Variants in PNO1 observed in about 807,000 individuals in gnomAD.
PNO1 encodes the protein partner of NOB1 homolog, also known as RNA-binding protein PNO1.
In PNO1, 16 loss-of-function variants were observed where a neutral mutation model predicts 28.4. The ratio of observed to expected loss-of-function variants is 0.56; its 90% CI spans 0.38 to 0.85. PNO1 has a LOEUF of 0.85. Ranked by LOEUF, PNO1 falls within the 40% of genes least tolerant of loss-of-function variation. The pLI is 0.00. For missense variants in PNO1, 304 were observed against 312.2 expected (o/e 0.97, Z 0.20); for synonymous variants, 115 against 110.8 (o/e 1.04, Z -0.24).
chr2:68,173,070 T>C (rs1299761567), intron 5 of PNO1: 3 of 294,758 alleles, frequency 1.0e-5, no homozygotes, highest in African/African-American at 6.6e-5. Flanking sequence ...AAATGCTTTT[T>C]TGTCTACAAT....
intron 5 of PNO1, among the ~76,000 whole-genome samples, chr2:68,167,576 A>C (rs535854118): frequency 1.3e-5 from 2 of 152,214 alleles, no homozygotes; most frequent in South Asian, 2.1e-4. Context: ...CCTTTCCTGC[A>C]TTAAATCCTG....
intron 5 of PNO1, among the ~76,000 whole-genome samples, chr2:68,168,047 C>T (rs895276795): frequency 2.0e-5 from 3 of 152,150 alleles, no homozygotes; most frequent in African/African-American, 7.2e-5. Context: ...GGGTTGCAGT[C>T]TGCAGGGTGG....
rs146642101 is a variant in PNO1 at position 68,167,171 on chromosome 2, A to G, written c.620+4508A>G. Among the ~76,000 whole-genome samples the G allele has an allele frequency of 1.6e-4, 24 of 152,236 alleles. No homozygotes were observed. The East Asian group carries it at 4.2e-3, about 27-fold the overall frequency. On this transcript the variant is annotated intron_variant, in intron 5 of 6. Coordinates refer to ENST00000263657, the MANE Select transcript of PNO1 (RefSeq NM_020143.4). ...AGTTCTCTTCCATAGCATTGACACT[A>G]TTTTCCATAGAGTAGTGTGTGTAAT...
In PNO1 at chr2:68,158,133, G is replaced by C. The variant is rs1466026862; in HGVS notation, c.199G>C (p.Gly67Arg). 4 of 1,599,106 alleles carry C rather than the reference G, an allele frequency of 2.5e-6. No individual in the cohort carries two copies. The highest frequency in any genetic ancestry group is 3.4e-6 in the Non-Finnish European group (4 of 1,172,468). The change falls in exon 1 of 7, where the codon GGG (glycine) becomes CGG (arginine). Residue 67 changes from glycine to arginine, a missense_variant. Gly to Arg is a moderately radical substitution (Grantham distance 125). Coordinates refer to ENST00000263657, the MANE Select transcript of PNO1 (RefSeq NM_020143.4). ...CGTCTTCCCACCCCTCTGTGGGGAC[G>C]GGCTCCTGGTATGTGGCTGGGACCC... is the stretch of plus-strand genomic sequence containing the variant. ...RPVFPPLCGD[G>R]LLSGKEETRK...
intron 5 of PNO1, among the ~76,000 whole-genome samples, chr2:68,168,359 C>G (rs1357155156): frequency 6.6e-6 from 1 of 152,224 alleles, no homozygotes; most frequent in African/African-American, 2.4e-5. Flanking sequence ...CCTCTGGAAG[C>G]TGGTAGTACC....
chr2:68,170,761 A>AT (rs1240410992), intron 5 of PNO1, among the ~76,000 whole-genome samples: 1 of 151,446 alleles, frequency 6.6e-6, no homozygotes, highest in East Asian at 1.9e-4. Context: ...AAAAAAAAAA[A>AT]AAAAAAAAGC....
chr2:68,158,148 G>T lies in PNO1; in HGVS notation c.207+7G>T. On this transcript the variant is annotated splice_region_variant and intron_variant, in intron 1 of 6. Transcript: ENST00000263657. ...CTGTGGGGACGGGCTCCTGGTATGT[G>T]GCTGGGACCCTAGGACAGCAACGAG... 1 of 1,588,412 alleles carries T rather than the reference G, an allele frequency of 6.3e-7. No individual in the cohort carries two copies. Among genetic ancestry groups the T allele is most frequent in the South Asian group, 1.1e-5 (1 of 88,634 alleles).
intron 2 of PNO1, 127 bp downstream of exon 2, chr2:68,158,656 C>T (rs754001976): frequency 7.7e-6 from 6 of 780,360 alleles, no homozygotes; most frequent in Non-Finnish European, 1.2e-5. Context: ...TAAAAATTTA[C>T]CATATTGAGT....
At chr2:68,171,476 C>A (rs529643195) in intron 5 of PNO1, among the ~76,000 whole-genome samples, 2 of 152,354 alleles carry the variant, frequency 1.3e-5, no homozygotes, top group East Asian at 3.9e-4. Context: ...TCTCCTCCAT[C>A]TGCTTTCCAC....
intron 5 of PNO1, among the ~76,000 whole-genome samples, chr2:68,170,858 C>T (rs10180346): frequency 0.042 from 6,319 of 150,606 alleles, 434 homozygotes; most frequent in African/African-American, 0.15. Flanking sequence ...AATTATTTGT[C>T]TCTGTATTTC....
chr2:68,173,484 AC>A, intron 6 of PNO1, 67 bp downstream of exon 6: 1 of 994,952 alleles, frequency 1.0e-6, no homozygotes, highest in Non-Finnish European at 1.6e-6. Context: ...GGAAGTCAAA[AC>A]CACATTTGCA....
Position 68,173,378 on chromosome 2 carries a change from A to G in PNO1, c.652A>G (p.Ile218Val), listed in dbSNP as rs767505369. ...TCACATCCTTGGCTCCTTCCAAAAT[A>G]TCAAGATGGCAAGAACTGCCATTTG... is the stretch of plus-strand genomic sequence containing the variant. ...KVHILGSFQN[I>V]KMARTAICNL... Residue 218 changes from isoleucine to valine, a missense_variant, in exon 6 of 7, where the codon ATC (isoleucine) becomes GTC (valine). Physicochemically the swap from Ile to Val is conservative, Grantham distance 29 (BLOSUM62 3). Coordinates refer to ENST00000263657, the MANE Select transcript of PNO1 (RefSeq NM_020143.4). The G allele has an allele frequency of 6.2e-7, 1 of 1,608,588 alleles. No homozygotes were observed. Among genetic ancestry groups the G allele is most frequent in the South Asian group, 1.1e-5 (1 of 90,898 alleles).
intron 5 of PNO1, among the ~76,000 whole-genome samples, chr2:68,163,373 A>T (rs1409822575): frequency 1.3e-5 from 2 of 152,130 alleles, no homozygotes; most frequent in African/African-American, 4.8e-5. Flanking sequence ...CTCTACTAAA[A>T]ATACAAAAAT....
In PNO1 at chr2:68,174,844, G is replaced by GA; in HGVS notation, c.*47dup. The GA allele has an allele frequency of 7.8e-7, 1 of 1,286,122 alleles. No individual in the cohort carries two copies. The highest frequency in any genetic ancestry group is 1.1e-6 in the Non-Finnish European group (1 of 889,080). The allele number at this position is 1,286,122 out of a possible 1,614,324, so 79.7% of individuals were successfully genotyped here. On this transcript the variant is annotated 3_prime_UTR_variant, in exon 7 of 7. Transcript: ENST00000263657. ...TTTTATCTTGCCTTTGGACTCTGGT[G>GA]AAAAATACTTTACAGTGGTCGGTCA... is the stretch of plus-strand genomic sequence containing the variant.
At chr2:68,162,227 A>G (rs1167268224) in intron 3 of PNO1, 38 bp from the exon 4 acceptor site, 6 of 1,514,062 alleles carry the variant, frequency 4.0e-6, no homozygotes, top group Non-Finnish European at 5.5e-6. Context: ...AGGTGTGCAA[A>G]TGGAAGGGGC....
At chr2:68,158,577 A>G (rs1673739967) in intron 2 of PNO1, 48 bp downstream of exon 2, 12 of 1,532,288 alleles carry the variant, frequency 7.8e-6, no homozygotes, top group East Asian at 2.3e-5. Flanking sequence ...TTTCTCTCCT[A>G]CAGAGATGAA....
In PNO1 at chr2:68,175,013, G is replaced by A; in HGVS notation, c.*211G>A. The A allele has an allele frequency of 5.1e-6, 2 of 393,416 alleles. No homozygotes were observed. Among genetic ancestry groups the A allele is most frequent in the South Asian group, 8.0e-5 (2 of 25,064 alleles). The allele number at this position is 393,416 out of a possible 1,614,324, so 24.4% of individuals were successfully genotyped here. A position where few individuals can be genotyped will look rare whatever the true frequency, so the allele number is the denominator to read the frequency against. On this transcript the variant is annotated 3_prime_UTR_variant, in exon 7 of 7. Coordinates refer to ENST00000263657, the MANE Select transcript of PNO1 (RefSeq NM_020143.4). ...ATAATTTAAATATCAAAAATTGATT[G>A]TTATACTTAACACATTAGGTATAAT... is the stretch of plus-strand genomic sequence containing the variant.
intron 5 of PNO1, chr2:68,173,079 ATGTCTTTTT>A (rs1325045386): frequency 2.7e-5 from 8 of 294,170 alleles, no homozygotes; most frequent in Non-Finnish European, 4.7e-5. Context: ...TTTGTCTACA[ATGTCTTTTT>A]TTTTTTTTTT....
chr2:68,169,157 G>A (rs992816849), intron 5 of PNO1, among the ~76,000 whole-genome samples: 6 of 151,830 alleles, frequency 4.0e-5, no homozygotes, highest in Non-Finnish European at 7.4e-5. Context: ...TCTCAATCTC[G>A]TGACCTCGCA....
Sources: allele counts gnomAD v4.1 joint callset (sites outside exome capture counted in the v4.1 genomes callset), GRCh38; gene constraint gnomAD v4.1.1; transcripts MANE v1.5; gene names NCBI Gene and HGNC (gene_info 2026-07-23, HGNC 2026-07-21).